The following PPARGC1B variants were observed in gnomAD, a reference collection of about 807,000 sequenced individuals.
PPARGC1B encodes the protein peroxisome proliferator-activated receptor gamma coactivator 1-beta.
In PPARGC1B, 34 loss-of-function variants were observed where a neutral mutation model predicts 101.6. That is an observed-to-expected ratio of 0.33 (90% CI 0.25 to 0.45). The LOEUF (loss-of-function observed/expected upper bound fraction) is 0.45. Ranked by LOEUF, PPARGC1B falls within the 20% of genes least tolerant of loss-of-function variation. PPARGC1B has a pLI of 1.00. For synonymous variants in PPARGC1B, 548 were observed against 539.3 expected (o/e 1.02, Z -0.22); for missense variants, 1,234 against 1,317.6 (o/e 0.94, Z 0.98).
Position 149,836,792 on chromosome 5 carries a change from C to A in PPARGC1B, c.2337C>A (p.Asp779Glu), listed in dbSNP as rs776188122. 2.5e-6 allele frequency: 4 copies of A among 1,613,578 alleles called. No homozygotes were observed. The highest frequency in any genetic ancestry group is 3.4e-6 in the Non-Finnish European group (4 of 1,180,024). ...TGGAGACCGCCCTGGAGGAGGAAGA[C>A]CTGGCCTCCTGCAAGAGCCCTGAGT... ...GLLETALEEEDLASCKSPEYD... is the reference protein window; with the variant it reads ...GLLETALEEEELASCKSPEYD... Residue 779 changes from aspartate (D) to glutamate (E), a missense_variant, in exon 8 of 12, where the codon GAC becomes GAA. Around this residue, in one of 3 missense-constraint regions of PPARGC1B, gnomAD observed 497 missense variants for 529.5 expected, o/e 0.94. Transcript: ENST00000309241.
intron 3 of PPARGC1B, 91 bp downstream of exon 3, chr5:149,826,976 C>T: frequency 2.0e-6 from 2 of 990,606 alleles, no homozygotes; most frequent in South Asian, 1.5e-5. Context: ...CCGCTCCAGC[C>T]CCGCAGGGGA....
Position 149,730,334 on chromosome 5 carries a change from G to C in PPARGC1B, c.-9G>C, listed in dbSNP as rs753171118. 1 of 1,555,652 alleles carries C rather than the reference G, an allele frequency of 6.4e-7. No individual in the cohort carries two copies. The highest frequency in any genetic ancestry group is 8.7e-7 in the Non-Finnish European group (1 of 1,153,458). Reference sequence around the variant, plus strand: ...TGACTCCGCCGCACGCTGCAGCCGCGGCTGGAAGATGGCGGGGAACGACTG... The same window carrying C: ...TGACTCCGCCGCACGCTGCAGCCGCCGCTGGAAGATGGCGGGGAACGACTG... On this transcript the variant is annotated 5_prime_UTR_variant, in exon 1 of 12. Transcript: ENST00000309241. This position sits in a 1 kb window ranked among gnomAD's most constrained non-coding sequence, Gnocchi z 4.0.
chr5:149,771,681 A>G (rs1756136485), intron 1 of PPARGC1B, among the ~76,000 whole-genome samples: 1 of 152,240 alleles, frequency 6.6e-6, no homozygotes, highest in Non-Finnish European at 1.5e-5. Context: ...GCCAGTTTTC[A>G]TGAAAGACAG....
At chr5:149,828,779 GCT>G (rs1221351771) in intron 3 of PPARGC1B, among the ~76,000 whole-genome samples, 1 of 152,218 alleles carries the variant, frequency 6.6e-6, no homozygotes, top group Admixed American at 6.5e-5. Context: ...GGGCACAGTG[GCT>G]TATACCTGTA....
intron 1 of PPARGC1B, among the ~76,000 whole-genome samples, chr5:149,808,202 T>C (rs1204433988): frequency 6.6e-6 from 1 of 152,156 alleles, no homozygotes; most frequent in East Asian, 1.9e-4. Context: ...AATTTTAAAA[T>C]TGCATTAAAA....
chr5:149,815,237 A>T (rs1389451326), intron 1 of PPARGC1B, among the ~76,000 whole-genome samples: 1 of 151,926 alleles, frequency 6.6e-6, no homozygotes, highest in South Asian at 2.1e-4. Flanking sequence ...TCAGAATGTG[A>T]CCTCCTTGGA....
At chr5:149,828,731 T>G (rs550958022) in intron 3 of PPARGC1B, among the ~76,000 whole-genome samples, 40 of 152,316 alleles carry the variant, frequency 2.6e-4, no homozygotes, top group African/African-American at 8.2e-4. Context: ...CTAGACTCCC[T>G]GCATACCGAC....
rs1407466408 is a variant in PPARGC1B, at chr5:149,826,877, C to T, written c.457C>T (p.Leu153Phe). 1.2e-6 allele frequency: 2 copies of T among 1,609,106 alleles called. No individual in the cohort carries two copies. Among genetic ancestry groups the T allele is most frequent in the Non-Finnish European group, 1.7e-6 (2 of 1,176,878 alleles). ...PSAPAPEVDE[L>F]SLLQKLLLAT... ...GGCCCCAGCCCCTGAGGTGGACGAG[C>T]TCTCACTGGTAAGAACCTACTTACA... Residue 153 changes from leucine (L) to phenylalanine (F), a missense_variant, in exon 3 of 12, where the codon CTC (leucine) becomes TTC (phenylalanine). Leu to Phe is a conservative substitution (Grantham distance 22). Coordinates refer to ENST00000309241, the MANE Select transcript of PPARGC1B (RefSeq NM_133263.4).
At position 149,836,775 on chromosome 5, in the gene PPARGC1B, G is replaced by T; in HGVS notation, c.2320G>T (p.Ala774Ser). 4 of 1,613,618 alleles carry T rather than the reference G, an allele frequency of 2.5e-6. No individual in the cohort carries two copies. Among genetic ancestry groups the T allele is most frequent in the African/African-American group, 1.3e-5 (1 of 75,052 alleles). The change falls in exon 8 of 12, where the codon GCC becomes TCC. Residue 774 changes from alanine (A) to serine (S), a missense_variant. Coordinates refer to ENST00000309241, the MANE Select transcript of PPARGC1B (RefSeq NM_133263.4). ...LTKHFGLLET[A>S]LEEEDLASCK... ...CAAACACTTTGGGCTGCTGGAGACC[G>T]CCCTGGAGGAGGAAGACCTGGCCTC...
intron 1 of PPARGC1B, among the ~76,000 whole-genome samples, chr5:149,813,005 C>T (rs1189366913): frequency 1.3e-5 from 2 of 152,178 alleles, no homozygotes; most frequent in African/African-American, 4.8e-5. Flanking sequence ...AGGTATTTCC[C>T]ACACTTCCTT....
At chr5:149,827,692 C>T (rs1480330357) in intron 3 of PPARGC1B, among the ~76,000 whole-genome samples, 3 of 152,214 alleles carry the variant, frequency 2.0e-5, no homozygotes, top group African/African-American at 7.2e-5. Context: ...TTTACACTTC[C>T]ACCAGCAGAA....
chr5:149,836,416 T>C lies in PPARGC1B; in HGVS notation c.1961T>C (p.Leu654Pro), dbSNP rs1359613109. 1 of 1,614,080 alleles carries C rather than the reference T, an allele frequency of 6.2e-7. No individual in the cohort carries two copies. Among genetic ancestry groups the C allele is most frequent in the African/African-American group, 1.3e-5 (1 of 75,034 alleles). Residue 654 changes from leucine to proline, a missense_variant, in exon 8 of 12, where the codon CTG (leucine) becomes CCG (proline). Physicochemically the swap from Leu to Pro is moderately conservative, Grantham distance 98. Coordinates refer to ENST00000309241, the MANE Select transcript of PPARGC1B (RefSeq NM_133263.4). ...GCCACCCCAGGGGCTGCCCACAAGC[T>C]GCCAAAGAAGCACCCAGAGCGAAGT... The part of the protein sequence containing the change: ...LKATPGAAHK[L>P]PKKHPERSEL...
intron 1 of PPARGC1B, among the ~76,000 whole-genome samples, chr5:149,795,490 G>A (rs1757176083): frequency 6.6e-6 from 1 of 152,196 alleles, no homozygotes; most frequent in Non-Finnish European, 1.5e-5. Flanking sequence ...CCTAAGAGAG[G>A]ACATTTCACA....
rs77009094 is a variant in PPARGC1B, at chr5:149,770,653, T to A, written c.78+40233T>A. On this transcript the variant is annotated intron_variant, in intron 1 of 11. Coordinates refer to ENST00000309241, the MANE Select transcript of PPARGC1B (RefSeq NM_133263.4). ...CTTGAGGCTAGCCTGGGCAGCATAG[T>A]GAGACCCTGTCTCTACCAAAAAAAA... Among the ~76,000 whole-genome samples the A allele has an allele frequency of 1.7e-3, 262 of 151,638 alleles. 1 individual carries two copies. Among genetic ancestry groups the A allele is most frequent in the Admixed American group, 6.7e-3 (102 of 15,202 alleles).
chr5:149,827,898 G>A (rs1477568082), intron 3 of PPARGC1B, among the ~76,000 whole-genome samples: 1 of 152,208 alleles, frequency 6.6e-6, no homozygotes, highest in Non-Finnish European at 1.5e-5. Flanking sequence ...GCTTTGCTCA[G>A]CCTGTCTTGG....
intron 1 of PPARGC1B, among the ~76,000 whole-genome samples, chr5:149,731,462 C>T (rs920177255): frequency 6.6e-6 from 1 of 152,154 alleles, no homozygotes; most frequent in African/African-American, 2.4e-5. Context: ...TGCGGCGGAA[C>T]CTCGGAGGAG....
intron 1 of PPARGC1B, among the ~76,000 whole-genome samples, chr5:149,755,615 GTTATTATTATTA>G (rs142788730): frequency 3.6e-4 from 50 of 137,144 alleles, no homozygotes; most frequent in Non-Finnish European, 6.0e-4. Context: ...TATTATTATT[GTTATTATTATTA>G]TTATTATTAT....
Position 149,795,791 on chromosome 5 carries a change from G to C in PPARGC1B, c.79-24642G>C, listed in dbSNP as rs537101463. Among the ~76,000 whole-genome samples, 40 of 90,964 alleles carry C rather than the reference G, an allele frequency of 4.4e-4. No individual in the cohort carries two copies. In the East Asian group the frequency reaches 0.016, roughly 36 times the overall value. The allele number at this position is 90,964 out of a possible 152,430, so 59.7% of individuals were successfully genotyped here. The stretch of plus-strand genomic sequence containing the variant: ...TGTTTGGGGATGATGGTGGGGGCAG[G>C]GGGGGATGATTATCTTTTTTTTTCA... On this transcript the variant is annotated intron_variant, in intron 1 of 11. Coordinates refer to ENST00000309241, the MANE Select transcript of PPARGC1B (RefSeq NM_133263.4).
At chr5:149,789,779 A>T (rs189381440) in intron 1 of PPARGC1B, among the ~76,000 whole-genome samples, 2 of 152,340 alleles carry the variant, frequency 1.3e-5, no homozygotes, top group East Asian at 3.9e-4. Flanking sequence ...AGTGCCATGC[A>T]CCTGAAAGGG....
Sources: allele counts gnomAD v4.1 joint callset (sites outside exome capture counted in the v4.1 genomes callset), GRCh38; gene constraint gnomAD v4.1.1; regional missense constraint gnomAD v4.1.1; non-coding constraint Gnocchi (gnomAD v3.1); transcripts MANE v1.5; gene names NCBI Gene and HGNC (gene_info 2026-07-23, HGNC 2026-07-21).